The following DDX31 variants were observed in gnomAD, a reference collection of about 807,000 sequenced individuals.
DDX31 encodes the protein DEAD-box helicase 31, also known as ATP-dependent DNA helicase DDX31.
DDX31 carries 70 observed loss-of-function variants against 91.3 expected under a neutral mutation model. The ratio of observed to expected loss-of-function variants is 0.77; its 90% confidence interval spans 0.63 to 0.94. The LOEUF is 0.94. Ranked by LOEUF, DDX31 falls within the 40% of genes least tolerant of loss-of-function variation. The pLI, the probability that DDX31 is intolerant of heterozygous loss-of-function variation, is 0.00. For synonymous variants in DDX31, 362 were observed against 350.6 expected, an observed-to-expected ratio of 1.03 and a Z score of -0.36; for missense variants, 902 against 925.0, an observed-to-expected ratio of 0.98 and a Z score of 0.32.
chr9:132,632,271 C>T (rs1453338400), intron 14 of DDX31, among the ~76,000 whole-genome samples, 180 bp from the exon 15 acceptor site: 2 of 145,010 alleles, frequency 1.4e-5, no homozygotes, highest in African/African-American at 2.6e-5. Flanking sequence ...CACACACACA[C>T]ACACACACAC....
intron 14 of DDX31, among the ~76,000 whole-genome samples, chr9:132,633,882 C>T (rs1832940503): frequency 4.6e-5 from 7 of 152,104 alleles, no homozygotes; most frequent in Admixed American, 4.6e-4. Context: ...AAACCTGAAA[C>T]CTAGAACCTA....
chr9:132,669,861 C>G lies in DDX31; in HGVS notation c.74G>C (p.Arg25Pro). Reference sequence around the variant, plus strand: ...AGCTGAAGCCGGGTCAGAACTCACCCGACTCGCCTGGGCTGGGGGACGTCT... The same window carrying G: ...AGCTGAAGCCGGGTCAGAACTCACCGGACTCGCCTGGGCTGGGGGACGTCT... ...FSRRPPAQASRQAKATKRKYQ... is the reference protein window; with the variant it reads ...FSRRPPAQASPQAKATKRKYQ... The change falls in exon 1 of 20, where the codon CGG (arginine) becomes CCG (proline). Residue 25 changes from arginine to proline, a missense_variant and splice_region_variant. Physicochemically the swap from Arg to Pro is moderately radical, Grantham distance 103. Coordinates refer to ENST00000372159, the MANE Select transcript of DDX31 (RefSeq NM_022779.9). 2 of 1,583,056 alleles carry G rather than the reference C, an allele frequency of 1.3e-6. No individual in the cohort carries two copies. The highest frequency in any genetic ancestry group is 1.7e-6 in the Non-Finnish European group (2 of 1,166,390).
intron 6 of DDX31, among the ~76,000 whole-genome samples, chr9:132,653,787 G>A (rs1198748478): frequency 1.3e-5 from 2 of 151,820 alleles, no homozygotes; most frequent in South Asian, 2.1e-4. Flanking sequence ...CCACAAATGT[G>A]TATATATAAA....
intron 19 of DDX31, among the ~76,000 whole-genome samples, chr9:132,606,492 G>A (rs1018641756): frequency 6.6e-6 from 1 of 152,176 alleles, no homozygotes; most frequent in Non-Finnish European, 1.5e-5. Flanking sequence ...GCGGGTACTC[G>A]CGACAATGAT....
At chr9:132,637,146 C>G (rs1325489314) in intron 14 of DDX31, among the ~76,000 whole-genome samples, 1 of 151,980 alleles carries the variant, frequency 6.6e-6, no homozygotes, top group Non-Finnish European at 1.5e-5. Context: ...ATTCTCTGCC[C>G]CCGCCCTACC....
intron 14 of DDX31, among the ~76,000 whole-genome samples, chr9:132,641,663 T>C (rs56380081): frequency 0.028 from 4,213 of 152,080 alleles, 89 homozygotes; most frequent in Non-Finnish European, 0.043. Context: ...GCAATCAGAG[T>C]CATTTTGTTG....
chr9:132,661,339 G>A, intron 3 of DDX31, 88 bp from the exon 4 acceptor site: 1 of 1,123,162 alleles, frequency 8.9e-7, no homozygotes, highest in South Asian at 1.3e-5. Context: ...ACTATTGAGA[G>A]AACATTGACT....
intron 13 of DDX31, 107 bp downstream of exon 13, chr9:132,645,788 G>A (rs981444339): frequency 7.8e-7 from 1 of 1,277,122 alleles, no homozygotes; most frequent in East Asian, 2.5e-5. Context: ...GTGTGCAAGG[G>A]TCGTAGCCAT....
At chr9:132,640,710 G>A (rs1350273414) in intron 14 of DDX31, among the ~76,000 whole-genome samples, 2 of 151,996 alleles carry the variant, frequency 1.3e-5, no homozygotes, top group African/African-American at 4.8e-5. Context: ...TTGCTATATT[G>A]TTGCTCAGGC....
At chr9:132,633,474 AG>A (rs758612906) in intron 14 of DDX31, among the ~76,000 whole-genome samples, 1 of 152,250 alleles carries the variant, frequency 6.6e-6, no homozygotes, top group Non-Finnish European at 1.5e-5. Flanking sequence ...AACCAGCAGA[AG>A]ACAGGTTCAA....
At chr9:132,632,001 T>C (rs1832756916) in intron 15 of DDX31, 40 bp downstream of exon 15, 1 of 1,576,380 alleles carries the variant, frequency 6.3e-7, no homozygotes, top group African/African-American at 1.4e-5. Context: ...TGATCATATA[T>C]TCCTGCCTAA....
chr9:132,593,533 A>G lies in DDX31; in HGVS notation c.*1333T>C, dbSNP rs1830298774. 1 of 152,182 alleles carries G rather than the reference A, an allele frequency of 6.6e-6. No homozygotes were observed. The highest frequency in any genetic ancestry group is 6.5e-5 in the Admixed American group (1 of 15,290). The allele number at this position is 152,182 out of a possible 1,614,324, so 9.4% of individuals were successfully genotyped here. A position where few individuals can be genotyped will look rare whatever the true frequency, so the allele number is the denominator to read the frequency against. ...TCACCCACAGTCCCTGTTAATTTGT[A>G]TGTGACAGCCAACTCTGAGAAGGTC... On this transcript the variant is annotated 3_prime_UTR_variant, in exon 20 of 20. Transcript: ENST00000372159.
intron 5 of DDX31, among the ~76,000 whole-genome samples, chr9:132,659,120 CTG>C (rs1834771115): frequency 6.6e-6 from 1 of 152,166 alleles, no homozygotes; most frequent in African/African-American, 2.4e-5. Flanking sequence ...CTCTGCAGTG[CTG>C]ATGTGATTGG....
intron 15 of DDX31, 100 bp downstream of exon 15, chr9:132,631,941 C>A (rs886142229): frequency 5.2e-5 from 58 of 1,109,306 alleles, no homozygotes; most frequent in Non-Finnish European, 6.8e-5. Flanking sequence ...CAGGGCAACA[C>A]CCAAGAGGAT....
At chr9:132,624,580 A>C (rs1010615957) in intron 17 of DDX31, among the ~76,000 whole-genome samples, 1 of 152,236 alleles carries the variant, frequency 6.6e-6, no homozygotes, top group Non-Finnish European at 1.5e-5. Flanking sequence ...GAATGACTAA[A>C]GCATATTAGT....
intron 18 of DDX31, among the ~76,000 whole-genome samples, chr9:132,617,762 A>C (rs1176193799): frequency 6.6e-6 from 1 of 152,218 alleles, no homozygotes; most frequent in Non-Finnish European, 1.5e-5. Context: ...TGTGAAGTCT[A>C]CATCTAATGT....
intron 14 of DDX31, chr9:132,638,065 T>A (rs1052450838): frequency 8.0e-7 from 1 of 1,251,332 alleles, no homozygotes; most frequent in African/African-American, 1.5e-5. Flanking sequence ...GTGATTTAGG[T>A]GCATCTTCTG....
At chr9:132,659,569 G>A (rs1834802574) in intron 5 of DDX31, 141 bp downstream of exon 5, 3 of 686,492 alleles carry the variant, frequency 4.4e-6, no homozygotes, top group Non-Finnish European at 7.5e-6. Flanking sequence ...CACATTCAGG[G>A]CTCTAATCAA....
intron 16 of DDX31, 64 bp downstream of exon 16, chr9:132,630,200 T>C: frequency 6.7e-7 from 1 of 1,495,362 alleles, no homozygotes; most frequent in South Asian, 1.4e-5. Context: ...CCATTCACTG[T>C]AAAAAGCGAC....
Sources: gnomAD v4.1 joint callset for allele counts (sites outside exome capture counted in the v4.1 genomes callset) on GRCh38, gnomAD v4.1.1 for gene constraint, MANE v1.5 for transcripts, NCBI Gene and HGNC (gene_info 2026-07-23, HGNC 2026-07-21) for gene names.